The following ITGB2 variants were observed in gnomAD, a reference collection of about 807,000 sequenced individuals.
ITGB2 encodes the protein integrin beta-2.
In ITGB2, 56 loss-of-function variants were observed where a neutral mutation model predicts 86.8. The ratio of observed to expected loss-of-function variants is 0.65; its 90% CI spans 0.52 to 0.81. The LOEUF is 0.81. ITGB2 is among the 30% of genes least tolerant of loss of function. ITGB2 has a pLI of 0.00. For synonymous variants in ITGB2, 457 were observed against 450.4 expected (o/e 1.01, Z -0.19); for missense variants, 948 against 1,061.2 (o/e 0.89, Z 1.48).
At chr21:44,904,876 T>A (rs761188328) in intron 4 of ITGB2, among the ~76,000 whole-genome samples, 5 of 151,348 alleles carry the variant, frequency 3.3e-5, no homozygotes, top group Non-Finnish European at 5.9e-5. Flanking sequence ...ACACACACAC[T>A]CACCCACATT....
chr21:44,916,043 C>A (rs2084204638), intron 1 of ITGB2, among the ~76,000 whole-genome samples: 1 of 152,120 alleles, frequency 6.6e-6, no homozygotes, highest in Non-Finnish European at 1.5e-5. Flanking sequence ...CTGCCTCAGC[C>A]TCCTGAGTAG....
At chr21:44,898,621 C>G (rs1307384633) in intron 8 of ITGB2, among the ~76,000 whole-genome samples, 2 of 152,232 alleles carry the variant, frequency 1.3e-5, no homozygotes. Flanking sequence ...TTTCTAGGAG[C>G]AGAGGCTGGT....
chr21:44,886,638 A>G, intron 15 of ITGB2, 98 bp downstream of exon 15: 1 of 1,549,888 alleles, frequency 6.5e-7, no homozygotes. Flanking sequence ...GCCGGGGTGC[A>G]GCCACACACG....
At chr21:44,915,523 G>A (rs2084196340) in intron 1 of ITGB2, among the ~76,000 whole-genome samples, 1 of 152,156 alleles carries the variant, frequency 6.6e-6, no homozygotes, top group Admixed American at 6.5e-5. Context: ...TGCCGCCAGG[G>A]GACAAGGTTG....
Position 44,895,841 on chromosome 21 carries a change from A to AAATGAAATG in ITGB2, c.994-782_994-781insCATTTCATT, listed in dbSNP as rs373707107. On this transcript the variant is annotated intron_variant, in intron 8 of 15. Transcript: ENST00000652462. ...GAGCAAAACTCTGTCTCAATAAAAT[A>AAATGAAATG]AAATGAAATGAAATGAAATGAAATG... 2.4e-3 allele frequency among the ~76,000 whole-genome samples: 306 copies of AAATGAAATG among 129,324 alleles called. 3 individuals are homozygous for AAATGAAATG. The highest frequency in any genetic ancestry group is 7.2e-3 in the East Asian group (35 of 4,872). 84.8% of individuals were successfully genotyped at this position (129,324 alleles called of 152,430 possible). A position where few individuals can be genotyped will look rare whatever the true frequency, so the allele number is the denominator to read the frequency against.
At chr21:44,897,045 C>A (rs537231966) in intron 8 of ITGB2, among the ~76,000 whole-genome samples, 1 of 152,160 alleles carries the variant, frequency 6.6e-6, no homozygotes, top group African/African-American at 2.4e-5. Context: ...CCCTGCCCTG[C>A]GCTGACCCAC....
intron 7 of ITGB2, 83 bp downstream of exon 7, chr21:44,900,237 T>C (rs1460916434): frequency 6.4e-7 from 1 of 1,552,696 alleles, no homozygotes; most frequent in South Asian, 1.1e-5. Context: ...AAGGAGGCTC[T>C]GTCAGGTGGA....
intron 3 of ITGB2, among the ~76,000 whole-genome samples, chr21:44,909,002 C>A (rs760458): frequency 0.2 from 30,631 of 152,200 alleles, 3,512 homozygotes; most frequent in East Asian, 0.31. Flanking sequence ...AGAGAGGCTG[C>A]AGAGAAGGAG....
intron 4 of ITGB2, 89 bp downstream of exon 4, chr21:44,906,826 C>G (rs1601315872): frequency 4.2e-6 from 6 of 1,433,158 alleles, no homozygotes; most frequent in Non-Finnish European, 5.9e-6. Flanking sequence ...TCTGGGCAGC[C>G]CTGACACCCC....
intron 1 of ITGB2, chr21:44,927,079 G>C (rs547003788): frequency 6.6e-6 from 1 of 152,504 alleles, no homozygotes; most frequent in South Asian, 2.1e-4. Context: ...CACTGGCCTG[G>C]GCCCCCCAGC....
chr21:44,902,175 G>T (rs2083969664), intron 5 of ITGB2, among the ~76,000 whole-genome samples: 1 of 152,218 alleles, frequency 6.6e-6, no homozygotes, highest in Non-Finnish European at 1.5e-5. Context: ...TAGGTGACCA[G>T]GTACATATGT....
chr21:44,911,799 C>T (rs908403697), intron 1 of ITGB2, among the ~76,000 whole-genome samples: 6 of 152,164 alleles, frequency 3.9e-5, no homozygotes, highest in Admixed American at 2.0e-4. Context: ...TGCTGGAGGC[C>T]GGCAGCACCT....
chr21:44,893,397 G>C lies in ITGB2; in HGVS notation c.1224+7C>G. 6.2e-7 allele frequency: 1 copy of C among 1,613,694 alleles called. No individual in the cohort carries two copies. Among genetic ancestry groups the C allele is most frequent in the Non-Finnish European group, 8.5e-7 (1 of 1,179,824 alleles). On this transcript the variant is annotated splice_region_variant and intron_variant, in intron 10 of 15. Transcript: ENST00000652462. Reference sequence around the variant, plus strand: ...GCTGGGATGGGGACCCTTGTGGCCAGGCTCACCGGGACATTGATCTGCACG... The same window carrying C: ...GCTGGGATGGGGACCCTTGTGGCCACGCTCACCGGGACATTGATCTGCACG...
intron 9 of ITGB2, 56 bp from the exon 10 acceptor site, chr21:44,893,600 G>C (rs2083822514): frequency 6.2e-7 from 1 of 1,607,440 alleles, no homozygotes; most frequent in Non-Finnish European, 8.5e-7. Flanking sequence ...TCCTGGCCCT[G>C]CCTGGCCCAG....
chr21:44,914,460 G>A (rs2084174248), intron 1 of ITGB2, among the ~76,000 whole-genome samples: 1 of 152,168 alleles, frequency 6.6e-6, no homozygotes, highest in African/African-American at 2.4e-5. Context: ...CTTCCCTCCC[G>A]GGCACCAAAT....
chr21:44,922,217 C>T (rs1039367197), upstream of ITGB2, among the ~76,000 whole-genome samples: 1 of 151,994 alleles, frequency 6.6e-6, no homozygotes, highest in Non-Finnish European at 1.5e-5. Context: ...TTGGGAGGGG[C>T]CAGGGAGCAC....
intron 9 of ITGB2, chr21:44,894,053 A>G: frequency 4.0e-6 from 1 of 250,806 alleles, no homozygotes; most frequent in East Asian, 9.5e-5. Flanking sequence ...AGACAGACGG[A>G]AATTGAGAGG....
At chr21:44,923,302 A>G (rs554009953), upstream of ITGB2, among the ~76,000 whole-genome samples, 1 of 152,136 alleles carries the variant, frequency 6.6e-6, no homozygotes, top group Non-Finnish European at 1.5e-5. Context: ...AATAGAACCA[A>G]TTGCAATGCA....
At chr21:44,903,274 A>G in intron 5 of ITGB2, 91 bp downstream of exon 5, 2 of 1,502,654 alleles carry the variant, frequency 1.3e-6, no homozygotes, top group South Asian at 2.3e-5. Context: ...TACCCTGGGG[A>G]CCTGAGTGCG....
Sources: gnomAD v4.1 joint callset for allele counts (sites outside exome capture counted in the v4.1 genomes callset) on GRCh38, gnomAD v4.1.1 for gene constraint, MANE v1.5 for transcripts, NCBI Gene and HGNC (gene_info 2026-07-23, HGNC 2026-07-21) for gene names.